SLC16A4: variants seen among roughly 807,000 people sequenced by gnomAD.
SLC16A4 encodes probable monocarboxylate transporter 5.
In SLC16A4, 39 loss-of-function variants were observed where a neutral mutation model predicts 47.9. The observed-to-expected ratio is 0.81, with a 90% CI of 0.63 to 1.06. The LOEUF is 1.06. SLC16A4 is among the 50% of genes least tolerant of loss of function. SLC16A4 has a pLI of 0.00. For synonymous variants in SLC16A4, 189 were observed against 199.9 expected (o/e 0.95, Z 0.46); for missense variants, 524 against 573.8 (o/e 0.91, Z 0.89).
At chr1:110,389,069 G>A (rs551353635) in intron 2 of SLC16A4, among the ~76,000 whole-genome samples, 168 bp downstream of exon 2, 25 of 152,296 alleles carry the variant, frequency 1.6e-4, no homozygotes, top group African/African-American at 5.8e-4. Flanking sequence ...GTTCGGCATG[G>A]GCCTCTGACT....
Position 110,379,255 on chromosome 1 carries a change from C to T in SLC16A4, c.628G>A (p.Asp210Asn). ...IKSENNSGIK[D>N]KGSSLSAHGP... is the part of the protein sequence containing the mutation. ...TGTGCAGACAAACTGCTGCCTTTAT[C>T]TTTAATACCAGAATTGTTCTCACTT... is the stretch of plus-strand genomic sequence containing the variant. The change falls in exon 6 of 9, where the codon GAT becomes AAT. Residue 210 changes from aspartate (D) to asparagine (N), a missense_variant. Asp to Asn is a conservative substitution (Grantham distance 23). Transcript: ENST00000369779. The T allele has an allele frequency of 6.2e-7, 1 of 1,614,172 alleles. No individual in the cohort carries two copies. Among genetic ancestry groups the T allele is most frequent in the Non-Finnish European group, 8.5e-7 (1 of 1,180,022 alleles).
chr1:110,384,281 A>G (rs1237878064), intron 2 of SLC16A4, among the ~76,000 whole-genome samples: 1 of 152,206 alleles, frequency 6.6e-6, no homozygotes, highest in Non-Finnish European at 1.5e-5. Flanking sequence ...CACTAGATAT[A>G]TAAATAGGTT....
rs1247051028 is a variant in SLC16A4 at position 110,363,644 on chromosome 1, AT to A, written c.*121del. Reference sequence around the variant, plus strand: ...CCGTCTCAAAAAAAAAAAAAAAAAAATTGTTTTCCTTCTCATGTTACAAATG... The same window carrying A: ...CCGTCTCAAAAAAAAAAAAAAAAAAATGTTTTCCTTCTCATGTTACAAATG... On this transcript the variant is annotated 3_prime_UTR_variant, in exon 9 of 9. Coordinates refer to ENST00000369779, the MANE Select transcript of SLC16A4 (RefSeq NM_004696.3). 5.5e-5 allele frequency: 55 copies of A among 996,446 alleles called. No homozygotes were observed. Among genetic ancestry groups the A allele is most frequent in the African/African-American group, 5.0e-4 (30 of 59,968 alleles). 61.7% of individuals were successfully genotyped at this position (996,446 alleles called of 1,614,324 possible).
intron 2 of SLC16A4, among the ~76,000 whole-genome samples, chr1:110,383,810 T>TTTTTTG: frequency 1.3e-5 from 1 of 78,894 alleles, no homozygotes; most frequent in Non-Finnish European, 2.5e-5. Context: ...AGGAGGTTTT[T>TTTTTTG]TTTTTTTTTT....
chr1:110,383,028 C>T (rs542182824), intron 2 of SLC16A4, 62 bp from the exon 3 acceptor site: 39 of 1,441,088 alleles, frequency 2.7e-5, no homozygotes, highest in Admixed American at 2.2e-4. Context: ...GAGGCAATTA[C>T]GGCTACTAGA....
intron 8 of SLC16A4, chr1:110,372,444 T>C (rs1047338016): frequency 9.2e-5 from 14 of 152,228 alleles, no homozygotes; most frequent in Admixed American, 3.3e-4. Context: ...AGACTTTTGA[T>C]TCAATTAAAG....
At chr1:110,377,688 A>T in intron 6 of SLC16A4, among the ~76,000 whole-genome samples, 1 of 152,186 alleles carries the variant, frequency 6.6e-6, no homozygotes, top group East Asian at 1.9e-4. Context: ...ATTTGAAAAT[A>T]TGTAGGAAGT....
chr1:110,378,784 A>T, intron 6 of SLC16A4, 69 bp downstream of exon 6: 1 of 1,502,428 alleles, frequency 6.7e-7, no homozygotes, highest in South Asian at 1.4e-5. Flanking sequence ...TTTTTATTAA[A>T]ATGTAATAAG....
intron 2 of SLC16A4, among the ~76,000 whole-genome samples, chr1:110,383,773 T>G (rs1320017377): frequency 4.0e-5 from 6 of 151,420 alleles, no homozygotes; most frequent in African/African-American, 1.5e-4. Context: ...GAAGTGTTTT[T>G]TTTTTTTTTT....
chr1:110,382,876 C>A lies in SLC16A4; in HGVS notation c.178G>T (p.Gly60Cys). 1.2e-6 allele frequency: 2 copies of A among 1,611,942 alleles called. No homozygotes were observed. The highest frequency in any genetic ancestry group is 1.7e-6 in the Non-Finnish European group (2 of 1,178,620). Residue 60 changes from glycine (G) to cysteine (C), a missense_variant, in exon 3 of 9, where the codon GGT (glycine) becomes TGT (cysteine). By Grantham distance (159) the Gly-to-Cys change is radical. Transcript: ENST00000369779. ...EEFEGTSEQI[G>C]WIGSIMSSLR... The stretch of plus-strand genomic sequence containing the variant: ...GATGACATGATGGATCCAATCCAAC[C>A]AATTTGCTCTGAGGTGCCTTCAAAC...
intron 2 of SLC16A4, 74 bp downstream of exon 2, chr1:110,389,163 T>C: frequency 8.2e-7 from 1 of 1,213,582 alleles, no homozygotes; most frequent in Non-Finnish European, 1.2e-6. Context: ...ATCCTATTCG[T>C]AGGCAGCTCT....
intron 8 of SLC16A4, chr1:110,373,148 T>C (rs1175457341): frequency 1.3e-5 from 2 of 152,208 alleles, no homozygotes; most frequent in Non-Finnish European, 2.9e-5. Context: ...TCTCGGAGTA[T>C]TGAACTATTT....
At chr1:110,371,710 C>CA (rs1254807956) in intron 8 of SLC16A4, 1 of 152,210 alleles carries the variant, frequency 6.6e-6, no homozygotes, top group African/African-American at 2.4e-5. Context: ...ATTTGGCCTA[C>CA]ACGTAGGTCT....
In SLC16A4 at chr1:110,381,064, T is replaced by A; in HGVS notation, c.444A>T (p.Thr148=). 6.2e-7 allele frequency: 1 copy of A among 1,614,136 alleles called. No individual in the cohort carries two copies. The highest frequency in any genetic ancestry group is 8.5e-7 in the Non-Finnish European group (1 of 1,179,980). ...KYFKKRLALS[T]AIARSGMGLT... ...GTCCCATCCCAGAACGGGCAATAGCTGTAGAAAGAGCCAATCGTTTTTTGA... is the reference window on the plus strand; with the variant it reads ...GTCCCATCCCAGAACGGGCAATAGCAGTAGAAAGAGCCAATCGTTTTTTGA... Residue 148 remains threonine, a synonymous_variant, in exon 5 of 9, where the codon ACA becomes ACT. Transcript: ENST00000369779.
rs1384220159 is a variant in SLC16A4 at position 110,363,815 on chromosome 1, G to T, written c.1415C>A (p.Ser472Tyr). The T allele has an allele frequency of 1.9e-6, 3 of 1,612,114 alleles. No individual in the cohort carries two copies. Among genetic ancestry groups the T allele is most frequent in the Admixed American group, 1.7e-5 (1 of 59,690 alleles). The change falls in exon 9 of 9, where the codon TCC (serine) becomes TAC (tyrosine). Residue 472 changes from serine to tyrosine, a missense_variant. Physicochemically the swap from Ser to Tyr is moderately radical, Grantham distance 144. Coordinates refer to ENST00000369779, the MANE Select transcript of SLC16A4 (RefSeq NM_004696.3). ...TTCGGCCAATGGTACAAAAAAAAAG[G>T]AAACTGAAGAGAGGAGATAGCATAT... is the stretch of plus-strand genomic sequence containing the variant. Reference protein sequence around the residue: ...SGICYLLSSVSFFFVPLAERW... With the variant: ...SGICYLLSSVYFFFVPLAERW...
At position 110,389,443 on chromosome 1, in the gene SLC16A4, T is replaced by C. The variant is rs188006627; in HGVS notation, c.-32-88A>G. Reference sequence around the variant, plus strand: ...TTATCTGAAAGGGAACGTTCATACATTGTTGGTGGGAATGCAAATTAGTTC... The same window carrying C: ...TTATCTGAAAGGGAACGTTCATACACTGTTGGTGGGAATGCAAATTAGTTC... On this transcript the variant is annotated intron_variant, in intron 1 of 8. Transcript: ENST00000369779. The C allele has an allele frequency of 8.5e-4, 720 of 842,230 alleles. 5 individuals carry two copies. In the African/African-American group the frequency reaches 9.0e-3, roughly 11 times the overall value. 52.2% of individuals were successfully genotyped at this position (842,230 alleles called of 1,614,324 possible). A position where few individuals can be genotyped will look rare whatever the true frequency, so the allele number is the denominator to read the frequency against.
rs116509417 is a variant in SLC16A4, at chr1:110,373,184, A to G, written c.1336+2274T>C. 9.7e-4 allele frequency among the ~76,000 whole-genome samples: 147 copies of G among 152,330 alleles called. 1 individual carries two copies. The highest frequency in any genetic ancestry group is 1.5e-3 in the Non-Finnish European group (101 of 68,028). On this transcript the variant is annotated intron_variant, in intron 8 of 8. Coordinates refer to ENST00000369779, the MANE Select transcript of SLC16A4 (RefSeq NM_004696.3). ...AAACATTTTATTTTAAGAAGTATACAAAGACACATAGGACATTAAACATGT... is the reference window on the plus strand; with the variant it reads ...AAACATTTTATTTTAAGAAGTATACGAAGACACATAGGACATTAAACATGT...
Position 110,363,646 on chromosome 1 carries a change from T to G in SLC16A4, c.*120A>C. 3.2e-6 allele frequency: 3 copies of G among 927,806 alleles called. No individual in the cohort carries two copies. The highest frequency in any genetic ancestry group is 2.3e-5 in the South Asian group (1 of 42,654). 57.5% of individuals were successfully genotyped at this position (927,806 alleles called of 1,614,324 possible). A position where few individuals can be genotyped will look rare whatever the true frequency, so the allele number is the denominator to read the frequency against. ...GTCTCAAAAAAAAAAAAAAAAAAAT[T>G]GTTTTCCTTCTCATGTTACAAATGT... On this transcript the variant is annotated 3_prime_UTR_variant, in exon 9 of 9. Coordinates refer to ENST00000369779, the MANE Select transcript of SLC16A4 (RefSeq NM_004696.3).
chr1:110,382,967 C>A lies in SLC16A4; in HGVS notation c.88-1G>T, dbSNP rs1182177356. 6.2e-7 allele frequency: 1 copy of A among 1,603,488 alleles called. No homozygotes were observed. The highest frequency in any genetic ancestry group is 1.7e-5 in the Admixed American group (1 of 58,976). ...TCATCCCCATCACAAACACATTCAC[C>A]TAAATCAAAGCAGACCAGAGTCCAA... On this transcript the variant is annotated splice_acceptor_variant, in intron 2 of 8. Transcript: ENST00000369779. LOFTEE classifies it high-confidence loss of function.
Sources: gnomAD v4.1 joint callset for allele counts (sites outside exome capture counted in the v4.1 genomes callset) on GRCh38, gnomAD v4.1.1 for gene constraint, MANE v1.5 for transcripts, NCBI Gene and HGNC (gene_info 2026-07-23, HGNC 2026-07-21) for gene names.